Variants in ROBO2 observed in about 807,000 individuals in gnomAD.
The protein encoded by ROBO2 is roundabout guidance receptor 2, also known as roundabout homolog 2.
In ROBO2, 53 loss-of-function variants were observed where a neutral mutation model predicts 160.8. The observed-to-expected ratio is 0.33, with a 90% confidence interval of 0.26 to 0.41. The LOEUF (loss-of-function observed/expected upper bound fraction) is 0.41, where lower values mean the gene tolerates loss of function less well. Ranked by LOEUF, ROBO2 falls within the 10% of genes least tolerant of loss-of-function variation. The pLI is 1.00. For synonymous variants in ROBO2, 664 were observed against 611.7 expected, an observed-to-expected ratio of 1.09 and a Z score of -1.26; for missense variants, 1,577 against 1,722.4, an observed-to-expected ratio of 0.92 and a Z score of 1.49.
At chr3:77,199,331 G>T (rs948711026) in intron 2 of ROBO2, among the ~76,000 whole-genome samples, 2 of 152,132 alleles carry the variant, frequency 1.3e-5, no homozygotes, top group Admixed American at 1.3e-4. Flanking sequence ...GGAGAACCTG[G>T]TTGAACACCA....
At chr3:77,253,340 T>C (rs1431260866) in intron 2 of ROBO2, among the ~76,000 whole-genome samples, 1 of 152,158 alleles carries the variant, frequency 6.6e-6, no homozygotes, top group Non-Finnish European at 1.5e-5. Flanking sequence ...TTAAATATAC[T>C]TGTGTGGAAG....
At chr3:76,110,409 G>A (rs2070173343) in intron 2 of ROBO2, among the ~76,000 whole-genome samples, 1 of 152,078 alleles carries the variant, frequency 6.6e-6, no homozygotes, top group Non-Finnish European at 1.5e-5. Flanking sequence ...TCTGGCTTTA[G>A]AATCCATATG....
At chr3:77,116,376 C>A (rs1243970518) in intron 2 of ROBO2, among the ~76,000 whole-genome samples, 6 of 152,084 alleles carry the variant, frequency 3.9e-5, no homozygotes, top group African/African-American at 1.4e-4. Context: ...AATTGTGAAT[C>A]CCTTAGTTTA....
intron 2 of ROBO2, among the ~76,000 whole-genome samples, chr3:77,220,939 A>C (rs531480517): frequency 6.6e-6 from 1 of 152,364 alleles, no homozygotes; most frequent in African/African-American, 2.4e-5. Context: ...ATAAAAAAAT[A>C]GAGGAAATAG....
chr3:77,113,553 G>T (rs2073894557), intron 2 of ROBO2, among the ~76,000 whole-genome samples: 1 of 152,082 alleles, frequency 6.6e-6, no homozygotes, highest in South Asian at 2.1e-4. Context: ...TACTAATGAA[G>T]TACCCAATGG....
intron 2 of ROBO2, among the ~76,000 whole-genome samples, chr3:76,351,543 C>T: frequency 6.6e-6 from 1 of 151,902 alleles, no homozygotes; most frequent in East Asian, 1.9e-4. Flanking sequence ...TTCAACTCCA[C>T]AGGGATTCTG....
chr3:76,641,437 C>G (rs1363919852), intron 2 of ROBO2, among the ~76,000 whole-genome samples: 2 of 151,798 alleles, frequency 1.3e-5, no homozygotes, highest in African/African-American at 4.8e-5. Flanking sequence ...TAAGATAAAC[C>G]CAGATTAAGA....
At chr3:77,346,603 C>A (rs1246384084) in intron 2 of ROBO2, among the ~76,000 whole-genome samples, 3 of 152,126 alleles carry the variant, frequency 2.0e-5, no homozygotes, top group African/African-American at 7.2e-5. Context: ...TTCCCGGAAT[C>A]AAGGTGTTGG....
At chr3:77,263,035 C>G (rs1310625050) in intron 2 of ROBO2, among the ~76,000 whole-genome samples, 3 of 152,046 alleles carry the variant, frequency 2.0e-5, no homozygotes, top group African/African-American at 7.2e-5. Context: ...AACACAGTAA[C>G]TAAATGCAAG....
chr3:76,966,681 G>C (rs899485726), intron 2 of ROBO2, among the ~76,000 whole-genome samples: 1 of 152,186 alleles, frequency 6.6e-6, no homozygotes, highest in South Asian at 2.1e-4. Flanking sequence ...GTGACTTCCA[G>C]CTAGTTCTTC....
intron 2 of ROBO2, among the ~76,000 whole-genome samples, chr3:76,023,588 G>C (rs1038392246): frequency 2.0e-5 from 3 of 151,580 alleles, no homozygotes; most frequent in African/African-American, 7.3e-5. Flanking sequence ...TATATGTGCA[G>C]AGTGTATGGT....
intron 2 of ROBO2, among the ~76,000 whole-genome samples, chr3:76,868,857 A>G (rs1044066654): frequency 3.3e-5 from 5 of 152,216 alleles, no homozygotes; most frequent in African/African-American, 7.2e-5. Context: ...TGTATCACCA[A>G]ATAATATTAG....
At chr3:77,354,859 G>A (rs1057139218) in intron 2 of ROBO2, among the ~76,000 whole-genome samples, 1 of 152,180 alleles carries the variant, frequency 6.6e-6, no homozygotes, top group Non-Finnish European at 1.5e-5. Context: ...AAGTAGACAG[G>A]CCAGATGTCA....
intron 2 of ROBO2, among the ~76,000 whole-genome samples, chr3:76,708,844 G>C (rs541236024): frequency 2.0e-5 from 3 of 152,226 alleles, no homozygotes; most frequent in Admixed American, 1.3e-4. Context: ...TCAAACAATA[G>C]TAGTGGGAAT....
intron 2 of ROBO2, among the ~76,000 whole-genome samples, chr3:77,212,833 CAT>C (rs1352222370): frequency 2.6e-5 from 4 of 152,252 alleles, no homozygotes; most frequent in Admixed American, 1.3e-4. Flanking sequence ...TTGAGATAAT[CAT>C]ATGTTTTTTG....
intron 2 of ROBO2, among the ~76,000 whole-genome samples, chr3:76,966,196 A>G (rs576594299): frequency 1.3e-5 from 2 of 152,248 alleles, no homozygotes; most frequent in African/African-American, 4.8e-5. Context: ...TGCTGGGATT[A>G]CAGGCGTGAG....
rs190497584 is a variant in ROBO2, at chr3:76,678,992, G to A, written c.110-419022G>A. ...AGGCTAGCTCTAGTCACATGTTATG[G>A]AATTTATCATAACACCTCCACTCAT... On this transcript the variant is annotated intron_variant, in intron 2 of 26. Coordinates refer to the ROBO2 transcript ENST00000487694. 6.2e-4 allele frequency among the ~76,000 whole-genome samples: 95 copies of A among 152,118 alleles called. 1 individual carries two copies. Among genetic ancestry groups the A allele is most frequent in the Middle Eastern group, 3.4e-3 (1 of 292 alleles).
intron 2 of ROBO2, among the ~76,000 whole-genome samples, chr3:76,295,893 T>A (rs1254719606): frequency 6.6e-6 from 1 of 152,084 alleles, no homozygotes; most frequent in Non-Finnish European, 1.5e-5. Flanking sequence ...CGGATTGAGA[T>A]AGGAGAAGCT....
Position 76,933,012 on chromosome 3 carries a change from A to G in ROBO2, c.110-165002A>G, listed in dbSNP as rs570657137. On this transcript the variant is annotated intron_variant, in intron 2 of 26. Coordinates refer to the ROBO2 transcript ENST00000487694. ...ACACTTTGCTTGTTAGGATGAGGAT[A>G]TTCTTTTTAAACCTCTGAAATGGAA... 1.2e-4 allele frequency among the ~76,000 whole-genome samples: 18 copies of G among 152,186 alleles called. No individual in the cohort carries two copies. In the South Asian group the frequency reaches 3.7e-3, roughly 32 times the overall value.
Sources: gnomAD v4.1 joint callset for allele counts (sites outside exome capture counted in the v4.1 genomes callset) on GRCh38, gnomAD v4.1.1 for gene constraint, MANE v1.5 for transcripts, NCBI Gene and HGNC (gene_info 2026-07-23, HGNC 2026-07-21) for gene names.